Variants in RELN observed in about 807,000 individuals in gnomAD.
RELN encodes reelin.
Under a neutral mutation model 427.6 loss-of-function variants are expected in RELN, and 108 were observed. The observed-to-expected ratio is 0.25, with a 90% confidence interval of 0.22 to 0.30. The LOEUF (loss-of-function observed/expected upper bound fraction) is 0.30, where lower values mean the gene tolerates loss of function less well. Ranked by LOEUF, RELN falls within the 10% of genes least tolerant of loss-of-function variation. The pLI, the probability that RELN is intolerant of heterozygous loss-of-function variation, is 1.00. For synonymous variants in RELN, 1,524 were observed against 1,513.4 expected, an observed-to-expected ratio of 1.01 and a Z score of -0.16; for missense variants, 3,715 against 4,302.8, an observed-to-expected ratio of 0.86 and a Z score of 3.82.
chr7:103,517,896 T>C (rs1829604779), intron 49 of RELN, among the ~76,000 whole-genome samples: 1 of 152,224 alleles, frequency 6.6e-6, no homozygotes, highest in Non-Finnish European at 1.5e-5. Flanking sequence ...TGTGGCTATG[T>C]GGCTAAACTC....
intron 11 of RELN, among the ~76,000 whole-genome samples, chr7:103,675,335 G>A (rs1490357388): frequency 6.6e-5 from 10 of 152,186 alleles, no homozygotes; most frequent in Admixed American, 6.5e-4. Context: ...TACAAGGGAT[G>A]TGAAGGACCT....
intron 1 of RELN, among the ~76,000 whole-genome samples, chr7:103,983,899 G>A (rs913047338): frequency 1.3e-5 from 2 of 149,916 alleles, no homozygotes; most frequent in Non-Finnish European, 3.0e-5. Context: ...GTGTGTGTAT[G>A]TCTTTTAAAA....
chr7:103,551,153 C>T lies in RELN; in HGVS notation c.6216G>A (p.Glu2072=). ...SSHVSSLCST[E]HHPSSTYYAG... ...CGTAGTAGGTGCTGCTGGGGTGGTG[C>T]TCGGTGGAGCATAAAGAGCTGACGT... The change falls in exon 41 of 65, where the codon GAG becomes GAA. Residue 2072 remains glutamate, a synonymous_variant. Coordinates refer to ENST00000428762, the MANE Select transcript of RELN (RefSeq NM_005045.4). 6.2e-7 allele frequency: 1 copy of T among 1,614,036 alleles called. No individual in the cohort carries two copies. The highest frequency in any genetic ancestry group is 8.5e-7 in the Non-Finnish European group (1 of 1,179,992).
At chr7:103,609,232 A>C (rs1584341122) in intron 22 of RELN, among the ~76,000 whole-genome samples, 1 of 152,088 alleles carries the variant, frequency 6.6e-6, no homozygotes, top group East Asian at 1.9e-4. Context: ...CAAAAAAAAA[A>C]AAAAAAAAAT....
chr7:103,752,984 C>G (rs889040670), intron 5 of RELN, among the ~76,000 whole-genome samples, 198 bp downstream of exon 5: 2 of 152,102 alleles, frequency 1.3e-5, no homozygotes, highest in African/African-American at 4.8e-5. Flanking sequence ...GCATGAGCCC[C>G]CCGCTGGGCA....
At chr7:103,935,790 G>A (rs1301728760) in intron 1 of RELN, among the ~76,000 whole-genome samples, 2 of 152,288 alleles carry the variant, frequency 1.3e-5, no homozygotes, top group Non-Finnish European at 2.9e-5. Flanking sequence ...GGAGTTCAGA[G>A]ACATCAGTGA....
intron 1 of RELN, among the ~76,000 whole-genome samples, chr7:103,925,310 T>A (rs1030784919): frequency 2.6e-5 from 4 of 152,188 alleles, no homozygotes; most frequent in Non-Finnish European, 5.9e-5. Flanking sequence ...AATAATTTCA[T>A]TTTATCATCC....
intron 3 of RELN, among the ~76,000 whole-genome samples, chr7:103,776,882 G>A (rs903966340): frequency 6.6e-6 from 1 of 151,332 alleles, no homozygotes; most frequent in Non-Finnish European, 1.5e-5. Flanking sequence ...AACAGCAGAT[G>A]TGCGTAAAGC....
In RELN at chr7:103,472,592, C is replaced by T. The variant is rs768747882; in HGVS notation, c.*220G>A. The T allele has an allele frequency of 1.1e-5, 6 of 534,932 alleles. No homozygotes were observed. The highest frequency in any genetic ancestry group is 1.9e-5 in the African/African-American group (1 of 52,372). 33.1% of individuals were successfully genotyped at this position (534,932 alleles called of 1,614,324 possible). A position where few individuals can be genotyped will look rare whatever the true frequency, so the allele number is the denominator to read the frequency against. On this transcript the variant is annotated 3_prime_UTR_variant, in exon 65 of 65. Transcript: ENST00000428762. ...ATATTACAACAGATCACAACTTTCA[C>T]GGACACATCAACATGAAGACATTTA... is the stretch of plus-strand genomic sequence containing the variant.
At chr7:103,876,627 C>T (rs950691359) in intron 2 of RELN, among the ~76,000 whole-genome samples, 2 of 152,014 alleles carry the variant, frequency 1.3e-5, no homozygotes, top group Non-Finnish European at 2.9e-5. Flanking sequence ...ATTTTATTTG[C>T]ACTGTGTGAA....
chr7:103,486,093 G>T, intron 61 of RELN, 104 bp downstream of exon 61: 4 of 1,049,958 alleles, frequency 3.8e-6, no homozygotes, highest in Non-Finnish European at 6.0e-6. Flanking sequence ...ACTGCTTAGT[G>T]ACATCTGTGC....
chr7:103,665,389 G>A (rs1040000119), intron 11 of RELN, among the ~76,000 whole-genome samples: 45 of 150,948 alleles, frequency 3.0e-4, no homozygotes, highest in African/African-American at 1.0e-3. Context: ...TATAAAATCT[G>A]TATATGTAAA....
chr7:103,774,875 AT>A (rs1791699285), intron 4 of RELN, among the ~76,000 whole-genome samples: 1 of 152,138 alleles, frequency 6.6e-6, no homozygotes, highest in Non-Finnish European at 1.5e-5. Context: ...GCTGTACAGC[AT>A]TTTTAATAAT....
chr7:103,576,203 C>A (rs2117209653), intron 28 of RELN, among the ~76,000 whole-genome samples: 1 of 152,308 alleles, frequency 6.6e-6, no homozygotes, highest in East Asian at 1.9e-4. Flanking sequence ...TGCACTCCAT[C>A]CAGCCTGGGT....
At chr7:103,915,825 G>C (rs1015735053) in intron 2 of RELN, among the ~76,000 whole-genome samples, 1 of 152,122 alleles carries the variant, frequency 6.6e-6, no homozygotes, top group Non-Finnish European at 1.5e-5. Context: ...TATGAATCCT[G>C]CTGTAACAAA....
At chr7:103,748,326 T>C (rs576722269) in intron 6 of RELN, among the ~76,000 whole-genome samples, 2 of 152,226 alleles carry the variant, frequency 1.3e-5, no homozygotes, top group South Asian at 4.1e-4. Flanking sequence ...TATCTAGATG[T>C]ATATTTCTTT....
intron 3 of RELN, among the ~76,000 whole-genome samples, chr7:103,832,087 G>A (rs1793287599): frequency 6.6e-6 from 1 of 152,128 alleles, no homozygotes; most frequent in African/African-American, 2.4e-5. Flanking sequence ...CAGAGGATAG[G>A]CAGAAAGAGT....
chr7:103,707,778 C>T (rs998261618), intron 8 of RELN, among the ~76,000 whole-genome samples: 4 of 151,958 alleles, frequency 2.6e-5, no homozygotes, highest in Admixed American at 2.6e-4. Context: ...ATTACAGGCA[C>T]GAGCCACCAC....
intron 15 of RELN, among the ~76,000 whole-genome samples, chr7:103,651,089 C>T (rs983531982): frequency 2.6e-5 from 4 of 152,074 alleles, no homozygotes; most frequent in Admixed American, 6.6e-5. Flanking sequence ...CCTAGCCCTA[C>T]ACACATTTAA....
Sources: gnomAD v4.1 joint callset for allele counts (sites outside exome capture counted in the v4.1 genomes callset) on GRCh38, gnomAD v4.1.1 for gene constraint, MANE v1.5 for transcripts, NCBI Gene and HGNC (gene_info 2026-07-23, HGNC 2026-07-21) for gene names.